IQCK: variants seen among roughly 807,000 people sequenced by gnomAD.
IQCK encodes IQ domain-containing protein K.
A neutral mutation model predicts 28.1 loss-of-function variants in IQCK; 29 were observed. The observed-to-expected ratio is 1.03, with a 90% CI of 0.77 to 1.41. IQCK has a LOEUF of 1.41. Among genes scored for constraint, IQCK ranks in the 40% most tolerant of loss-of-function variants. The pLI, the probability that IQCK is intolerant of heterozygous loss-of-function variation, is 0.00. For synonymous variants in IQCK, 113 were observed against 115.1 expected (o/e 0.98, Z 0.12); for missense variants, 359 against 314.7 (o/e 1.14, Z -1.07).
rs185675000 is a variant in IQCK, at chr16:19,765,953, T to A, written c.605+1841T>A. The A allele has an allele frequency of 5.9e-5, 9 of 152,330 alleles. No homozygotes were observed. In the East Asian group the frequency reaches 1.5e-3, roughly 26 times the overall value. 9.4% of individuals were successfully genotyped at this position (152,330 alleles called of 1,614,324 possible). ...TCTAATAAGAATCCTCTTAGCTTTA[T>A]TTATTATACAAATACCTTAATTTTA... On this transcript the variant is annotated intron_variant, in intron 6 of 7. Transcript: ENST00000564186.
At chr16:19,724,524 G>GT (rs375373303) in intron 1 of IQCK, among the ~76,000 whole-genome samples, 15 of 150,702 alleles carry the variant, frequency 1.0e-4, no homozygotes, top group East Asian at 2.0e-4. Context: ...TTGTTGTTGG[G>GT]TTTTTTTTTG....
intron 1 of IQCK, among the ~76,000 whole-genome samples, chr16:19,724,985 C>G (rs978429474): frequency 6.6e-6 from 1 of 152,118 alleles, no homozygotes; most frequent in African/African-American, 2.4e-5. Flanking sequence ...CACAGGGGCT[C>G]CACTCTGCCA....
At chr16:19,830,154 C>T (rs2056212292), downstream of IQCK, among the ~76,000 whole-genome samples, 1 of 152,212 alleles carries the variant, frequency 6.6e-6, no homozygotes, top group South Asian at 2.1e-4. Flanking sequence ...GCAGCTTGAG[C>T]TATCACTGTT....
intron 9 of IQCK, 68 bp from the exon 9 acceptor site, chr16:19,856,419 G>A (rs375862321): frequency 1.7e-5 from 23 of 1,348,232 alleles, no homozygotes; most frequent in Non-Finnish European, 2.1e-5. Flanking sequence ...CAGAGTTTCC[G>A]GTTTCCCAAT....
At chr16:19,831,220 C>T (rs182609210), downstream of IQCK, among the ~76,000 whole-genome samples, 17 of 152,338 alleles carry the variant, frequency 1.1e-4, no homozygotes, top group Admixed American at 9.8e-4. Context: ...TTAGATTCTG[C>T]TCTCAGACCC....
At chr16:19,829,735 G>A (rs1778747746), downstream of IQCK, among the ~76,000 whole-genome samples, 1 of 152,118 alleles carries the variant, frequency 6.6e-6, no homozygotes, top group South Asian at 2.1e-4. Flanking sequence ...CTCGGCTCTG[G>A]GCAACAAGTC....
At chr16:19,752,583 T>A (rs2151700201) in intron 4 of IQCK, among the ~76,000 whole-genome samples, 1 of 152,302 alleles carries the variant, frequency 6.6e-6, no homozygotes, top group South Asian at 2.1e-4. Context: ...CTTATTTATT[T>A]TTTGAGATAG....
chr16:19,802,283 T>C (rs9931211), intron 7 of IQCK, among the ~76,000 whole-genome samples: 2,905 of 19,860 alleles, frequency 0.15, 308 homozygotes, highest in South Asian at 0.25. Flanking sequence ...CCTGAGATTG[T>C]AATTTTTTGA....
At chr16:19,720,009 G>C (rs1977439669) in intron 1 of IQCK, among the ~76,000 whole-genome samples, 1 of 151,974 alleles carries the variant, frequency 6.6e-6, no homozygotes. Context: ...AGCCACATTT[G>C]GATAGTGGCT....
intron 4 of IQCK, among the ~76,000 whole-genome samples, chr16:19,746,988 A>G (rs2054920756): frequency 6.6e-6 from 1 of 152,226 alleles, no homozygotes; most frequent in African/African-American, 2.4e-5. Context: ...GCTTAAAATT[A>G]CAAGCATTGG....
intron 4 of IQCK, among the ~76,000 whole-genome samples, chr16:19,740,321 A>G (rs1169538855): frequency 6.6e-6 from 1 of 152,166 alleles, no homozygotes; most frequent in East Asian, 1.9e-4. Context: ...ATCATCAGAA[A>G]TTGTATCAAA....
At chr16:19,858,008 G>C (rs948525111) in exon 10 of IQCK, 7 of 152,890 alleles carry the variant, frequency 4.6e-5, no homozygotes, top group African/African-American at 1.7e-4. Flanking sequence ...TACAATGAGA[G>C]ATTTTGATCA....
At position 19,858,282 on chromosome 16, in the gene IQCK, TAAAAC is replaced by T. The variant is rs2056588980; in HGVS notation, c.*1740_*1744del. Reference sequence around the variant, plus strand: ...CCACTCTCAACCTTAAAAGCCAAAATAAAACAAAACCCTAAGTGCGATAACATATC... The same window carrying T: ...CCACTCTCAACCTTAAAAGCCAAAATAAAACCCTAAGTGCGATAACATATC... On this transcript the variant is annotated 3_prime_UTR_variant, in exon 10 of 10. Transcript: ENST00000320394. The T allele has an allele frequency of 1.3e-4, 54 of 410,502 alleles. No individual in the cohort carries two copies. In the East Asian group the frequency reaches 1.8e-3, roughly 14 times the overall value. The allele number at this position is 410,502 out of a possible 1,614,324, so 25.4% of individuals were successfully genotyped here. A position where few individuals can be genotyped will look rare whatever the true frequency, so the allele number is the denominator to read the frequency against.
chr16:19,761,281 G>T (rs944643134), intron 4 of IQCK: 5 of 421,416 alleles, frequency 1.2e-5, no homozygotes, highest in African/African-American at 8.2e-5. Flanking sequence ...TGAATTTTGG[G>T]GTGATACAAT....
chr16:19,813,440 C>G (rs550063809), intron 7 of IQCK, among the ~76,000 whole-genome samples: 1 of 131,916 alleles, frequency 7.6e-6, no homozygotes, highest in South Asian at 2.3e-4. Context: ...AGATTACCTA[C>G]AAAGGAAAGC....
intron 7 of IQCK, among the ~76,000 whole-genome samples, chr16:19,810,020 T>G (rs2055882771): frequency 6.6e-6 from 1 of 152,138 alleles, no homozygotes; most frequent in South Asian, 2.1e-4. Context: ...AATCAGAAGC[T>G]GTGGTGGTAC....
chr16:19,727,892 C>T (rs527669338), intron 1 of IQCK, among the ~76,000 whole-genome samples: 1 of 152,092 alleles, frequency 6.6e-6, no homozygotes, highest in African/African-American at 2.4e-5. Context: ...GTATGGTAGG[C>T]GGAATTCTAA....
At chr16:19,831,704 A>T (rs1005724371), downstream of IQCK, among the ~76,000 whole-genome samples, 1 of 151,960 alleles carries the variant, frequency 6.6e-6, no homozygotes, top group Non-Finnish European at 1.5e-5. Context: ...GGAGACAGGC[A>T]TATCTTTTTA....
chr16:19,736,547 C>T (rs111761768), intron 4 of IQCK, among the ~76,000 whole-genome samples: 21 of 152,282 alleles, frequency 1.4e-4, no homozygotes, highest in African/African-American at 4.8e-4. Context: ...CCCTCTTTTC[C>T]GTAGTTCACG....
Sources: gnomAD v4.1 joint callset for allele counts (sites outside exome capture counted in the v4.1 genomes callset) on GRCh38, gnomAD v4.1.1 for gene constraint, MANE v1.5 for transcripts, NCBI Gene and HGNC (gene_info 2026-07-23, HGNC 2026-07-21) for gene names.